The following CADPS variants were observed in gnomAD, a reference collection of about 807,000 sequenced individuals.
CADPS encodes the protein calcium-dependent secretion activator 1.
A neutral mutation model predicts 167.3 loss-of-function variants in CADPS; 57 were observed. The observed-to-expected ratio is 0.34, with a 90% CI of 0.28 to 0.42. The LOEUF (loss-of-function observed/expected upper bound fraction) is 0.42. Ranked by LOEUF, CADPS falls within the 20% of genes least tolerant of loss-of-function variation. The pLI, the probability that CADPS is intolerant of heterozygous loss-of-function variation, is 1.00. For missense variants in CADPS, 1,414 were observed against 1,738.1 expected (o/e 0.81, Z 3.32); for synonymous variants, 676 against 635.3 (o/e 1.06, Z -0.96).
At chr3:62,757,808 A>C (rs2084359226) in intron 2 of CADPS, among the ~76,000 whole-genome samples, 1 of 152,196 alleles carries the variant, frequency 6.6e-6, no homozygotes, top group South Asian at 2.1e-4. Flanking sequence ...CCTCACAATC[A>C]TGGTGGAAGT....
chr3:62,670,437 C>T (rs1001335573), intron 3 of CADPS, among the ~76,000 whole-genome samples: 3 of 152,138 alleles, frequency 2.0e-5, no homozygotes, highest in Non-Finnish European at 4.4e-5. Context: ...TCATTTGTGT[C>T]TTTCTTTATC....
At chr3:62,855,091 A>ATTTTTGTTTTTT (rs1553773514) in intron 1 of CADPS, among the ~76,000 whole-genome samples, 1 of 92,702 alleles carries the variant, frequency 1.1e-5, no homozygotes, top group African/African-American at 3.5e-5. Context: ...TGCCCGGCTA[A>ATTTTTGTTTTTT]TTTTTTTTTT....
chr3:62,451,165 A>T (rs2057991476), intron 26 of CADPS, among the ~76,000 whole-genome samples: 1 of 151,976 alleles, frequency 6.6e-6, no homozygotes, highest in African/African-American at 2.4e-5. Context: ...AATTACCTCG[A>T]CCCTCCACCT....
At chr3:62,444,400 T>C in intron 27 of CADPS, among the ~76,000 whole-genome samples, 1 of 152,326 alleles carries the variant, frequency 6.6e-6, no homozygotes, top group African/African-American at 2.4e-5. Context: ...TGTTGTGTCA[T>C]TTAATTTGCA....
rs142734611 is a variant in CADPS at position 62,524,040 on chromosome 3, A to G, written c.2292-5790T>C. Among the ~76,000 whole-genome samples the G allele has an allele frequency of 1.7e-3, 260 of 152,356 alleles. 1 individual carries two copies. The highest frequency in any genetic ancestry group is 5.2e-3 in the African/African-American group (218 of 41,576). On this transcript the variant is annotated intron_variant, in intron 13 of 29. Transcript: ENST00000383710. ...AGATGTTCTTTGCAGTGCTCCCTAA[A>G]TAGGACATTTAGACCAAACATCCTC... is the stretch of plus-strand genomic sequence containing the variant.
chr3:62,513,529 C>T (rs1485497861), intron 16 of CADPS: 1 of 707,208 alleles, frequency 1.4e-6, no homozygotes. Context: ...CAAGCCAATG[C>T]TAAAAAACTT....
At position 62,431,090 on chromosome 3, in the gene CADPS, A is replaced by G. The variant is rs147036726; in HGVS notation, c.3777+7014T>C. On this transcript the variant is annotated intron_variant, in intron 28 of 29. Transcript: ENST00000383710. The stretch of plus-strand genomic sequence containing the variant: ...TCACAGTTCAATTAAAATTTGATCT[A>G]AAGAGTATGGAAAAGCTCAGCTTCA... Among the ~76,000 whole-genome samples, 359 of 152,246 alleles carry G rather than the reference A, an allele frequency of 2.4e-3. 1 individual carries two copies. Among genetic ancestry groups the G allele is most frequent in the African/African-American group, 8.1e-3 (338 of 41,554 alleles).
At chr3:62,448,624 G>T (rs540683204) in intron 26 of CADPS, among the ~76,000 whole-genome samples, 1 of 151,308 alleles carries the variant, frequency 6.6e-6, no homozygotes, top group African/African-American at 2.4e-5. Flanking sequence ...ACTTTTTTGG[G>T]GGGGGGTGGT....
chr3:62,611,559 GA>G (rs111845858), intron 6 of CADPS, among the ~76,000 whole-genome samples: 64 of 152,292 alleles, frequency 4.2e-4, no homozygotes, highest in African/African-American at 1.5e-3. Flanking sequence ...CAGAATGAAT[GA>G]CAGTGTTTTC....
At chr3:62,734,022 T>C (rs1005359371) in intron 3 of CADPS, among the ~76,000 whole-genome samples, 1 of 152,230 alleles carries the variant, frequency 6.6e-6, no homozygotes, top group African/African-American at 2.4e-5. Flanking sequence ...AACATTTTCT[T>C]TATCTACTTG....
chr3:62,549,165 T>C (rs1421999792), intron 11 of CADPS, among the ~76,000 whole-genome samples: 1 of 152,230 alleles, frequency 6.6e-6, no homozygotes, highest in Non-Finnish European at 1.5e-5. Flanking sequence ...AGAATGAATG[T>C]TTGGAACGAA....
At chr3:62,584,217 G>C (rs2084077094) in intron 8 of CADPS, among the ~76,000 whole-genome samples, 3 of 151,988 alleles carry the variant, frequency 2.0e-5, no homozygotes, top group African/African-American at 7.2e-5. Flanking sequence ...ATGTTGGTCA[G>C]GCTGGTCTCA....
intron 1 of CADPS, among the ~76,000 whole-genome samples, chr3:62,839,391 A>C (rs939930190): frequency 6.6e-6 from 1 of 152,052 alleles, no homozygotes; most frequent in African/African-American, 2.4e-5. Context: ...GGGTTTCACC[A>C]TTTGGCCAGG....
intron 1 of CADPS, among the ~76,000 whole-genome samples, chr3:62,804,441 G>A (rs1321563253): frequency 6.6e-6 from 1 of 152,004 alleles, no homozygotes; most frequent in Non-Finnish European, 1.5e-5. Context: ...GAGTGACTGA[G>A]AGAGAGAGGA....
chr3:62,768,219 G>A (rs984796456), intron 1 of CADPS, among the ~76,000 whole-genome samples: 12 of 152,122 alleles, frequency 7.9e-5, no homozygotes, highest in Non-Finnish European at 1.8e-4. Flanking sequence ...AATGATACCC[G>A]TAACATACAT....
chr3:62,616,340 G>A (rs2062292226), intron 6 of CADPS, among the ~76,000 whole-genome samples: 1 of 151,916 alleles, frequency 6.6e-6, no homozygotes, highest in African/African-American at 2.4e-5. Context: ...ACGTATATTG[G>A]TTATGTTTAG....
At chr3:62,540,833 A>G (rs1262593480) in intron 11 of CADPS, among the ~76,000 whole-genome samples, 1 of 152,080 alleles carries the variant, frequency 6.6e-6, no homozygotes, top group Non-Finnish European at 1.5e-5. Flanking sequence ...GCTCCTTGCA[A>G]CTCCATTTTT....
Position 62,731,805 on chromosome 3 carries a change from C to CAAAAAAAAAAAA in CADPS, c.888+21624_888+21635dup, listed in dbSNP as rs1212456893. ...CCTGGTGAAAGAAACTGATCATATG[C>CAAAAAAAAAAAA]AAAAAAAAAAAAAAAAAAAAAAAAA... On this transcript the variant is annotated intron_variant, in intron 3 of 29. Coordinates refer to ENST00000383710, the MANE Select transcript of CADPS (RefSeq NM_003716.4). Among the ~76,000 whole-genome samples, 35 of 27,126 alleles carry CAAAAAAAAAAAA rather than the reference C, an allele frequency of 1.3e-3. 1 individual carries two copies. The highest frequency in any genetic ancestry group is 1.7e-3 in the Non-Finnish European group (26 of 15,704). The allele number at this position is 27,126 out of a possible 152,430, so 17.8% of individuals were successfully genotyped here. A position where few individuals can be genotyped will look rare whatever the true frequency, so the allele number is the denominator to read the frequency against.
chr3:62,663,960 G>A (rs530472214), intron 3 of CADPS, among the ~76,000 whole-genome samples: 23 of 152,168 alleles, frequency 1.5e-4, no homozygotes, highest in East Asian at 7.7e-4. Context: ...CAAAGTCTTC[G>A]AGAAGCTCTG....
Sources: allele counts gnomAD v4.1 joint callset (sites outside exome capture counted in the v4.1 genomes callset), GRCh38; gene constraint gnomAD v4.1.1; transcripts MANE v1.5; gene names NCBI Gene and HGNC (gene_info 2026-07-23, HGNC 2026-07-21).